Variants in DNAH7 observed in about 807,000 individuals in gnomAD.
DNAH7 encodes dynein axonemal heavy chain 7.
In DNAH7, 397 loss-of-function variants were observed where a neutral mutation model predicts 444.6. The observed-to-expected ratio is 0.89, with a 90% CI of 0.82 to 0.97. The LOEUF is 0.97. Among genes scored for constraint, DNAH7 ranks in the 50% least tolerant of loss-of-function variants. DNAH7 has a pLI of 0.00. For synonymous variants in DNAH7, 1,636 were observed against 1,624.4 expected (o/e 1.01, Z -0.17); for missense variants, 4,902 against 4,800.8 (o/e 1.02, Z -0.62).
At position 195,834,192 on chromosome 2, in the gene DNAH7, A is replaced by G; in HGVS notation, c.9100+14T>C. The G allele has an allele frequency of 2.5e-6, 4 of 1,597,104 alleles. No individual in the cohort carries two copies. Among genetic ancestry groups the G allele is most frequent in the Non-Finnish European group, 3.4e-6 (4 of 1,167,778 alleles). On this transcript the variant is annotated intron_variant, in intron 48 of 64. Transcript: ENST00000312428. ...GGCAGTTCTGTAATGTATCTTAGTT[A>G]TTCAACTACATACCAGGAGTACCAA...
chr2:196,034,191 G>C (rs968274500), intron 5 of DNAH7, among the ~76,000 whole-genome samples: 1 of 152,144 alleles, frequency 6.6e-6, no homozygotes, highest in Non-Finnish European at 1.5e-5. Context: ...AAATAAGTAA[G>C]TTTAGTAAGG....
intron 64 of DNAH7, among the ~76,000 whole-genome samples, chr2:195,738,900 G>C (rs1692818058): frequency 6.6e-6 from 1 of 152,108 alleles, no homozygotes; most frequent in Non-Finnish European, 1.5e-5. Flanking sequence ...GATTGTTGAA[G>C]GAGCTTATAA....
At chr2:195,760,436 AGCCAGGGAGTG>A (rs1464517459) in intron 61 of DNAH7, among the ~76,000 whole-genome samples, 1 of 152,182 alleles carries the variant, frequency 6.6e-6, no homozygotes, top group East Asian at 1.9e-4. Context: ...CATAGACAGT[AGCCAGGGAGTG>A]GGTACAACAG....
At position 195,794,372 on chromosome 2, in the gene DNAH7, G is replaced by T. The variant is rs931018900; in HGVS notation, c.10682C>A (p.Ser3561Tyr). ...GCAGCTGCCAAAGAACTCCGGATCA[G>T]AGATCGGGTCCATGAGGTATGATCG... ...IIRSYLMDPI[S>Y]DPEFFGSCKK... The change falls in exon 57 of 65, where the codon TCT (serine) becomes TAT (tyrosine). Residue 3561 changes from serine to tyrosine, a missense_variant. By Grantham distance (144) the Ser-to-Tyr change is moderately radical. Transcript: ENST00000312428. The T allele has an allele frequency of 3.1e-6, 5 of 1,613,996 alleles. No homozygotes were observed. The African/African-American group carries it at 6.7e-5, about 22-fold the overall frequency.
Position 196,026,905 on chromosome 2 carries a change from T to C in DNAH7, c.522A>G (p.Thr174=), listed in dbSNP as rs1293448950. 6.2e-7 allele frequency: 1 copy of C among 1,611,784 alleles called. No homozygotes were observed. ...AATCTTCCATTGGGGCTACATGGTC[T>C]GTATCAATTCCATGGTGAATATAAT... The part of the protein sequence containing the change: ...YYYYIHHGID[T]DHVAPMEDSW... Residue 174 remains threonine (T), a synonymous_variant, in exon 7 of 65, where the codon ACA becomes ACG. Coordinates refer to ENST00000312428, the MANE Select transcript of DNAH7 (RefSeq NM_018897.3).
At chr2:195,880,205 T>A (rs553947751) in intron 36 of DNAH7, among the ~76,000 whole-genome samples, 10 of 152,154 alleles carry the variant, frequency 6.6e-5, no homozygotes, top group Non-Finnish European at 4.4e-5. Flanking sequence ...CAGCTTAATA[T>A]TCATCAAAAA....
At chr2:195,931,471 G>A (rs538780807) in intron 21 of DNAH7, among the ~76,000 whole-genome samples, 1 of 151,854 alleles carries the variant, frequency 6.6e-6, no homozygotes, top group Admixed American at 6.6e-5. Context: ...CATTGCTTTT[G>A]GTGTTTTAGA....
In DNAH7 at chr2:195,787,028, C is replaced by T; in HGVS notation, c.10860G>A (p.Met3620Ile). The T allele has an allele frequency of 1.9e-6, 3 of 1,595,128 alleles. No homozygotes were observed. Among genetic ancestry groups the T allele is most frequent in the Non-Finnish European group, 2.6e-6 (3 of 1,174,288 alleles). Residue 3620 changes from methionine (M) to isoleucine (I), a missense_variant, in exon 58 of 65, where the codon ATG becomes ATA. Transcript: ENST00000312428. ...ATGATACCTCATACTGGTTCAGGAA[C>T]ATGTGGAGCTGCTGTACGCTGATTC... ...DLRISVQQLH[M>I]FLNQYEELPY...
chr2:195,957,519 C>A lies in DNAH7; in HGVS notation c.2892-72G>T, dbSNP rs185023652. ...ATGTTTCAAATGACAAAATTCAAAC[C>A]ACAACTAGGTTGTCAATGTTGTATA... is the stretch of plus-strand genomic sequence containing the variant. On this transcript the variant is annotated intron_variant, in intron 18 of 64. Transcript: ENST00000312428. The A allele has an allele frequency of 2.2e-5, 28 of 1,262,576 alleles. No homozygotes were observed. The African/African-American group carries it at 3.7e-4, about 17-fold the overall frequency. 78.2% of individuals were successfully genotyped at this position (1,262,576 alleles called of 1,614,324 possible).
chr2:195,961,085 AAC>A (rs1341895456), intron 17 of DNAH7, 140 bp from the exon 18 acceptor site: 5 of 596,344 alleles, frequency 8.4e-6, no homozygotes, highest in Non-Finnish European at 1.3e-5. Context: ...AATCTAGAAA[AAC>A]AGAGCAGTAA....
In DNAH7 at chr2:195,806,844, G is replaced by A. The variant is rs1175164255; in HGVS notation, c.10084-12C>T. 1 of 1,601,062 alleles carries A rather than the reference G, an allele frequency of 6.2e-7. No individual in the cohort carries two copies. Among genetic ancestry groups the A allele is most frequent in the South Asian group, 1.1e-5 (1 of 90,512 alleles). ...TCATGGTGTGGTTCCTAAAATTACA[G>A]TGTAAATAATTCAGTTATTTTGGAG... On this transcript the variant is annotated splice_polypyrimidine_tract_variant and intron_variant, in intron 53 of 64. Transcript: ENST00000312428.
chr2:195,777,622 A>G (rs924006190), intron 59 of DNAH7, among the ~76,000 whole-genome samples, 178 bp downstream of exon 59: 2 of 152,226 alleles, frequency 1.3e-5, no homozygotes, highest in Admixed American at 6.5e-5. Context: ...AGTGAACAGG[A>G]AACCCCTAAC....
At chr2:196,053,186 A>G (rs928848112) in intron 2 of DNAH7, among the ~76,000 whole-genome samples, 1 of 152,238 alleles carries the variant, frequency 6.6e-6, no homozygotes, top group Admixed American at 6.5e-5. Context: ...TGCAGAGGTT[A>G]TGTTTGAATA....
chr2:195,862,625 C>T (rs754806394), intron 41 of DNAH7, among the ~76,000 whole-genome samples: 2 of 152,050 alleles, frequency 1.3e-5, no homozygotes, highest in Non-Finnish European at 2.9e-5. Flanking sequence ...CTCCTGTCAC[C>T]CTGATTTTCT....
intron 61 of DNAH7, among the ~76,000 whole-genome samples, chr2:195,759,305 C>A (rs552306324): frequency 5.3e-5 from 8 of 152,296 alleles, no homozygotes; most frequent in African/African-American, 1.9e-4. Context: ...ATAAAGGAAC[C>A]TGCACTCTTG....
At chr2:195,932,393 A>G (rs1040713642) in intron 21 of DNAH7, among the ~76,000 whole-genome samples, 23 of 152,026 alleles carry the variant, frequency 1.5e-4, no homozygotes, top group African/African-American at 5.6e-4. Context: ...CTCTTTTCCT[A>G]CTTGAATACC....
chr2:196,006,831 C>A (rs891701894), intron 10 of DNAH7, among the ~76,000 whole-genome samples: 1 of 151,636 alleles, frequency 6.6e-6, no homozygotes, highest in Non-Finnish European at 1.5e-5. Flanking sequence ...AAAATTAAAC[C>A]AAAAAATGTA....
At chr2:195,782,252 A>G (rs1224734169) in intron 58 of DNAH7, among the ~76,000 whole-genome samples, 2 of 152,236 alleles carry the variant, frequency 1.3e-5, no homozygotes, top group African/African-American at 4.8e-5. Context: ...GGAGTGCATT[A>G]GACTTAATAA....
At chr2:195,878,359 C>A (rs930104083) in intron 36 of DNAH7, among the ~76,000 whole-genome samples, 1 of 152,148 alleles carries the variant, frequency 6.6e-6, no homozygotes, top group Non-Finnish European at 1.5e-5. Context: ...GTAATCCCAG[C>A]ACTTTGGGAG....
Sources: gnomAD v4.1 joint callset for allele counts (sites outside exome capture counted in the v4.1 genomes callset) on GRCh38, gnomAD v4.1.1 for gene constraint, MANE v1.5 for transcripts, NCBI Gene and HGNC (gene_info 2026-07-23, HGNC 2026-07-21) for gene names.